Variants in ZNF484 observed in about 807,000 individuals in gnomAD.
ZNF484 encodes the protein zinc finger protein 484.
A neutral mutation model predicts 12.9 loss-of-function variants in ZNF484; 11 were observed. The observed-to-expected ratio is 0.85, with a 90% CI of 0.54 to 1.41. The LOEUF (loss-of-function observed/expected upper bound fraction) is 1.41. Ranked by LOEUF, ZNF484 falls within the 40% of genes most tolerant of loss-of-function variation. ZNF484 has a pLI of 0.00. For synonymous variants in ZNF484, 289 were observed against 334.1 expected, an observed-to-expected ratio of 0.86 and a Z score of 1.47; for missense variants, 807 against 1,007.7, an observed-to-expected ratio of 0.80 and a Z score of 2.70.
intron 1 of ZNF484, among the ~76,000 whole-genome samples, 196 bp from the exon 2 acceptor site, chr9:92,875,255 A>G (rs931651555): frequency 5.9e-5 from 9 of 152,256 alleles, no homozygotes; most frequent in African/African-American, 2.2e-4. Context: ...GGTTAATAAA[A>G]AAGAAAGATT....
At position 92,847,977 on chromosome 9, in the gene ZNF484, C is replaced by T; in HGVS notation, c.810G>A (p.Glu270=). 1 of 1,614,222 alleles carries T rather than the reference C, an allele frequency of 6.2e-7. No homozygotes were observed. The highest frequency in any genetic ancestry group is 1.1e-5 in the South Asian group (1 of 91,082). ...FSPKSHAFAH[E]SICAEEKQHE... The stretch of plus-strand genomic sequence containing the variant: ...GCTGCTTTTCTTCAGCACAAATACT[C>T]TCATGTGCAAAGGCATGTGACTTCG... The change falls in exon 5 of 5, where the codon GAG becomes GAA. Residue 270 remains glutamate, a synonymous_variant. Transcript: ENST00000375495.
Position 92,847,780 on chromosome 9 carries a change from G to C in ZNF484, c.1007C>G (p.Ala336Gly), listed in dbSNP as rs1183899608. ...GAACAGATCTGACTTCTGGATAAAG[G>C]CTCTTCCATAGTCACTGCATTTATA... Reference protein sequence around the residue: ...NYYKCSDYGRAFIQKSDLFRC... With the variant: ...NYYKCSDYGRGFIQKSDLFRC... The change falls in exon 5 of 5, where the codon GCC (alanine) becomes GGC (glycine). Residue 336 changes from alanine to glycine, a missense_variant. Coordinates refer to ENST00000375495, the MANE Select transcript of ZNF484 (RefSeq NM_031486.4). The C allele has an allele frequency of 6.2e-7, 1 of 1,613,802 alleles. No individual in the cohort carries two copies. Among genetic ancestry groups the C allele is most frequent in the Non-Finnish European group, 8.5e-7 (1 of 1,180,036 alleles).
chr9:92,851,994 T>C (rs982970608), intron 4 of ZNF484, among the ~76,000 whole-genome samples: 3 of 152,360 alleles, frequency 2.0e-5, no homozygotes, highest in Admixed American at 1.3e-4. Flanking sequence ...GCAGTTATCC[T>C]CTTTCCAATT....
At chr9:92,871,821 G>A (rs1429062223) in intron 2 of ZNF484, among the ~76,000 whole-genome samples, 1 of 152,164 alleles carries the variant, frequency 6.6e-6, no homozygotes, top group African/African-American at 2.4e-5. Flanking sequence ...TGGCAAAAGG[G>A]AATTCAGGTT....
intron 4 of ZNF484, among the ~76,000 whole-genome samples, chr9:92,849,836 C>T (rs1009607371): frequency 6.6e-6 from 1 of 151,562 alleles, no homozygotes. Context: ...GGGTCTCACT[C>T]TGTTGCTCAG....
At chr9:92,852,092 A>G (rs1170799606) in intron 4 of ZNF484, among the ~76,000 whole-genome samples, 2 of 152,222 alleles carry the variant, frequency 1.3e-5, no homozygotes, top group Non-Finnish European at 2.9e-5. Context: ...TGCTTATAAC[A>G]CAAATTCAGG....
chr9:92,869,455 C>T (rs1489611431), intron 2 of ZNF484, among the ~76,000 whole-genome samples: 2 of 152,210 alleles, frequency 1.3e-5, no homozygotes, highest in East Asian at 3.8e-4. Flanking sequence ...GGCGCAGTGG[C>T]TCACGCCTAT....
chr9:92,848,242 C>T lies in ZNF484; in HGVS notation c.545G>A (p.Gly182Glu), dbSNP rs542061133. ...RKRPHNCNSC[G>E]KNLEPIITLY... ...GGTTATGATAGGCTCCAAATTCTTT[C>T]CACACGAGTTACAGTTATGGGGTCT... is the stretch of plus-strand genomic sequence containing the variant. The change falls in exon 5 of 5, where the codon GGA becomes GAA. Residue 182 changes from glycine (G) to glutamate (E), a missense_variant. Gly to Glu is a moderately conservative substitution (Grantham distance 98). Coordinates refer to ENST00000375495, the MANE Select transcript of ZNF484 (RefSeq NM_031486.4). The surrounding 1 kb of genome is among the most constrained non-coding windows in gnomAD (Gnocchi z 4.1). 6.2e-7 allele frequency: 1 copy of T among 1,614,156 alleles called. No homozygotes were observed. The highest frequency in any genetic ancestry group is 2.2e-5 in the East Asian group (1 of 44,874).
At chr9:92,862,219 T>C (rs1856822635) in intron 2 of ZNF484, 1 of 833,286 alleles carries the variant, frequency 1.2e-6, no homozygotes, top group Admixed American at 6.2e-5. Context: ...TAAGCATAAT[T>C]ACTTAGGTAA....
chr9:92,877,907 C>A lies in ZNF484; in HGVS notation c.-48G>T. On this transcript the variant is annotated 5_prime_UTR_variant, in exon 1 of 5. Transcript: ENST00000375495. ...CTACTCACCTGCCCCTCACCCACGT[C>A]CTCTCAGGACAGTGGTCATTTGCCT... 6.5e-7 allele frequency: 1 copy of A among 1,529,822 alleles called. No individual in the cohort carries two copies. 94.8% of individuals were successfully genotyped at this position (1,529,822 alleles called of 1,614,324 possible).
At position 92,877,977 on chromosome 9, in the gene ZNF484, C is replaced by T. The variant is rs1027762126; in HGVS notation, c.-118G>A. On this transcript the variant is annotated 5_prime_UTR_variant, in exon 1 of 5. Transcript: ENST00000375495. ...CAAGAACCAGAACAGGACCCACTTC[C>T]TTTTTCTCAATGCCTCCCAGGCCTA... The T allele has an allele frequency of 1.1e-5, 12 of 1,086,804 alleles. No homozygotes were observed. The African/African-American group carries it at 1.9e-4, about 17-fold the overall frequency. 67.3% of individuals were successfully genotyped at this position (1,086,804 alleles called of 1,614,324 possible). A position where few individuals can be genotyped will look rare whatever the true frequency, so the allele number is the denominator to read the frequency against.
rs1216398966 is a variant in ZNF484, at chr9:92,846,526, CCA to C, written c.2259_2260del (p.Cys753TrpfsTer6). 6.2e-7 allele frequency: 1 copy of C among 1,613,824 alleles called. No individual in the cohort carries two copies. Among genetic ancestry groups the C allele is most frequent in the African/African-American group, 1.3e-5 (1 of 74,876 alleles). ...TTGTGATTTCTTAATGAAAGACTTG[CCA>C]CAGTCACTGCATTCATAGGGTTTCT... On this transcript the variant is annotated frameshift_variant, in exon 5 of 5. Coordinates refer to ENST00000375495, the MANE Select transcript of ZNF484 (RefSeq NM_031486.4). LOFTEE classifies it low-confidence loss of function (END_TRUNC).
At chr9:92,873,268 C>A (rs10123843) in intron 2 of ZNF484, among the ~76,000 whole-genome samples, 2 of 151,954 alleles carry the variant, frequency 1.3e-5, no homozygotes, top group Admixed American at 6.5e-5. Context: ...TACTTGCACC[C>A]TGATCTCTCA....
intron 2 of ZNF484, among the ~76,000 whole-genome samples, chr9:92,874,544 T>A (rs1403412139): frequency 5.3e-5 from 8 of 152,096 alleles, no homozygotes; most frequent in Non-Finnish European, 1.2e-4. Flanking sequence ...ACTCCTGATC[T>A]CATGTGATCC....
chr9:92,846,915 G>T lies in ZNF484; in HGVS notation c.1872C>A (p.His624Gln). Residue 624 changes from histidine (H) to glutamine (Q), a missense_variant, in exon 5 of 5, where the codon CAC becomes CAA. Physicochemically the swap from His to Gln is conservative, Grantham distance 24. Transcript: ENST00000375495. ...GKSFTKKSQL[H>Q]VHQQIHTGEK... is the part of the protein sequence containing the mutation. Reference sequence around the variant, plus strand: ...CTCCTGTGTGAATCTGCTGATGTACGTGGAGCTGTGATTTCTTAGTGAAGG... The same window carrying T: ...CTCCTGTGTGAATCTGCTGATGTACTTGGAGCTGTGATTTCTTAGTGAAGG... 2.5e-6 allele frequency: 4 copies of T among 1,613,064 alleles called. No homozygotes were observed. The South Asian group carries it at 4.4e-5, about 18-fold the overall frequency.
At position 92,847,396 on chromosome 9, in the gene ZNF484, C is replaced by T. The variant is rs765442204; in HGVS notation, c.1391G>A (p.Gly464Glu). 1 of 1,613,908 alleles carries T rather than the reference C, an allele frequency of 6.2e-7. No homozygotes were observed. Among genetic ancestry groups the T allele is most frequent in the Non-Finnish European group, 8.5e-7 (1 of 1,179,986 alleles). The change falls in exon 5 of 5, where the codon GGA becomes GAA. Residue 464 changes from glycine (G) to glutamate (E), a missense_variant. Transcript: ENST00000375495. The stretch of plus-strand genomic sequence containing the variant: ...TTCTGAACATATAAAGGGATTCTCT[C>T]CTGTGTGAATTCGCTGATGCACATG... Reference protein sequence around the residue: ...QLHVHQRIHTGENPFICSECG... With the variant: ...QLHVHQRIHTEENPFICSECG...
intron 4 of ZNF484, among the ~76,000 whole-genome samples, chr9:92,854,513 C>T (rs915252767): frequency 4.6e-5 from 7 of 152,098 alleles, no homozygotes; most frequent in Admixed American, 1.3e-4. Flanking sequence ...GTCAGGAGAT[C>T]GAGACCATCC....
chr9:92,874,065 G>T (rs1430675955), intron 2 of ZNF484, among the ~76,000 whole-genome samples: 3 of 152,104 alleles, frequency 2.0e-5, no homozygotes, highest in African/African-American at 7.2e-5. Context: ...ATGTCAATTG[G>T]TACAGAAATA....
chr9:92,868,826 C>T (rs1857261713), intron 2 of ZNF484, among the ~76,000 whole-genome samples: 1 of 152,136 alleles, frequency 6.6e-6, no homozygotes. Flanking sequence ...CCAAACACTT[C>T]CCATTATGCC....
Sources: gnomAD v4.1 joint callset for allele counts (sites outside exome capture counted in the v4.1 genomes callset) on GRCh38, gnomAD v4.1.1 for gene constraint, Gnocchi (gnomAD v3.1) non-coding constraint, MANE v1.5 for transcripts, NCBI Gene and HGNC (gene_info 2026-07-23, HGNC 2026-07-21) for gene names.